Variants in RAB3GAP2 observed in about 807,000 individuals in gnomAD.
RAB3GAP2 encodes RAB3 GTPase activating non-catalytic protein subunit 2.
A neutral mutation model predicts 185.3 loss-of-function variants in RAB3GAP2; 87 were observed. That is an observed-to-expected ratio of 0.47 (90% confidence interval 0.39 to 0.56). The LOEUF is 0.56. Among genes scored for constraint, RAB3GAP2 ranks in the 20% least tolerant of loss-of-function variants. RAB3GAP2 has a pLI of 0.00. For missense variants in RAB3GAP2, 1,492 were observed against 1,638.2 expected (o/e 0.91, Z 1.54); for synonymous variants, 554 against 576.1 (o/e 0.96, Z 0.55).
chr1:220,189,374 T>C (rs980917219), intron 17 of RAB3GAP2, among the ~76,000 whole-genome samples: 1 of 151,854 alleles, frequency 6.6e-6, no homozygotes, highest in African/African-American at 2.4e-5. Context: ...CCGCCAATAC[T>C]GACCCAACTA....
chr1:220,204,899 C>T (rs1167884373), intron 8 of RAB3GAP2, among the ~76,000 whole-genome samples: 1 of 151,996 alleles, frequency 6.6e-6, no homozygotes, highest in African/African-American at 2.4e-5. Context: ...CATGTCCCTA[C>T]AAAGGACATG....
intron 3 of RAB3GAP2, 82 bp downstream of exon 3, chr1:220,213,774 A>G (rs1659131328): frequency 1.4e-6 from 2 of 1,392,006 alleles, no homozygotes; most frequent in Non-Finnish European, 2.0e-6. Context: ...AATAAAAAGC[A>G]TTATATTCTT....
At chr1:220,203,901 C>T (rs1347306836) in intron 8 of RAB3GAP2, among the ~76,000 whole-genome samples, 2 of 152,090 alleles carry the variant, frequency 1.3e-5, no homozygotes, top group Non-Finnish European at 2.9e-5. Flanking sequence ...ATATAAGATG[C>T]TGCATTTAGA....
chr1:220,245,238 G>A (rs1659779851), intron 1 of RAB3GAP2, among the ~76,000 whole-genome samples: 1 of 152,218 alleles, frequency 6.6e-6, no homozygotes, highest in Admixed American at 6.5e-5. Context: ...GGTGATTTCT[G>A]CATTTCCATC....
At chr1:220,162,315 C>T in intron 27 of RAB3GAP2, 47 bp from the exon 28 acceptor site, 2 of 1,270,170 alleles carry the variant, frequency 1.6e-6, no homozygotes, top group East Asian at 2.3e-5. Flanking sequence ...TATAGTCTCA[C>T]TTTTATTACA....
intron 32 of RAB3GAP2, 105 bp from the exon 33 acceptor site, chr1:220,153,511 A>G: frequency 2.9e-6 from 3 of 1,044,028 alleles, no homozygotes; most frequent in Non-Finnish European, 4.4e-6. Context: ...TGGCTTTTCC[A>G]TTAAATTGTT....
intron 33 of RAB3GAP2, among the ~76,000 whole-genome samples, chr1:220,152,617 T>G (rs1366795273): frequency 2.6e-5 from 4 of 152,204 alleles, no homozygotes; most frequent in East Asian, 1.9e-4. Flanking sequence ...GGCTGCTGCT[T>G]CTCCTTGGGG....
intron 7 of RAB3GAP2, chr1:220,208,248 GA>G (rs1571901351): frequency 1.3e-5 from 2 of 152,134 alleles, no homozygotes; most frequent in East Asian, 3.8e-4. Context: ...TTAGAAAAAT[GA>G]AAAACATCTC....
chr1:220,174,347 A>G (rs1419351857), intron 21 of RAB3GAP2, among the ~76,000 whole-genome samples: 1 of 152,062 alleles, frequency 6.6e-6, no homozygotes, highest in African/African-American at 2.4e-5. Flanking sequence ...GCCTCCTCAT[A>G]CCAGCTCCCT....
chr1:220,202,924 G>C (rs973443195), intron 8 of RAB3GAP2, among the ~76,000 whole-genome samples: 2 of 152,200 alleles, frequency 1.3e-5, no homozygotes, highest in Admixed American at 6.5e-5. Flanking sequence ...GCCCGGGTAA[G>C]AGAGGGAGAC....
At chr1:220,181,532 T>G (rs1349246842) in intron 21 of RAB3GAP2, among the ~76,000 whole-genome samples, 1 of 152,202 alleles carries the variant, frequency 6.6e-6, no homozygotes, top group Non-Finnish European at 1.5e-5. Context: ...TTTATATTTG[T>G]TATATTAGAG....
At chr1:220,174,253 C>A (rs1479859339) in intron 21 of RAB3GAP2, among the ~76,000 whole-genome samples, 4 of 151,974 alleles carry the variant, frequency 2.6e-5, no homozygotes, top group African/African-American at 9.7e-5. Flanking sequence ...CGAAACCACA[C>A]ATATATACAC....
chr1:220,159,717 C>A (rs767593104), intron 28 of RAB3GAP2, among the ~76,000 whole-genome samples: 2 of 152,000 alleles, frequency 1.3e-5, no homozygotes, highest in Non-Finnish European at 2.9e-5. Context: ...AACTGTGTTG[C>A]CTAAAAACCC....
chr1:220,174,961 T>A (rs573402631), intron 21 of RAB3GAP2, among the ~76,000 whole-genome samples: 5 of 152,336 alleles, frequency 3.3e-5, no homozygotes, highest in South Asian at 2.1e-4. Context: ...CATAACCTGA[T>A]GCTTTTCACC....
intron 34 of RAB3GAP2, 69 bp from the exon 35 acceptor site, chr1:220,151,475 A>ATTACATAAAAATGCT: frequency 6.2e-7 from 1 of 1,605,736 alleles, no homozygotes; most frequent in Non-Finnish European, 8.5e-7. Flanking sequence ...CTTAAGAGTT[A>ATTACATAAAAATGCT]TTACATAAAA....
At chr1:220,156,860 A>G (rs1287175185) in intron 31 of RAB3GAP2, among the ~76,000 whole-genome samples, 1 of 152,216 alleles carries the variant, frequency 6.6e-6, no homozygotes, top group Non-Finnish European at 1.5e-5. Context: ...CAGAAGGAAC[A>G]GCAAATTTAG....
chr1:220,167,802 G>A lies in RAB3GAP2; in HGVS notation c.2807-127C>T, dbSNP rs569965758. ...TCATTTCTCAGCCTGAAGCTGACCCGAAAAAGCCATGAGATTTACAGCAGT... is the reference window on the plus strand; with the variant it reads ...TCATTTCTCAGCCTGAAGCTGACCCAAAAAAGCCATGAGATTTACAGCAGT... On this transcript the variant is annotated intron_variant, in intron 24 of 34. Coordinates refer to ENST00000358951, the MANE Select transcript of RAB3GAP2 (RefSeq NM_012414.4). 4.3e-5 allele frequency: 44 copies of A among 1,015,534 alleles called. No individual in the cohort carries two copies. In the South Asian group the frequency reaches 5.0e-4, roughly 12 times the overall value. The allele number at this position is 1,015,534 out of a possible 1,614,324, so 62.9% of individuals were successfully genotyped here.
intron 21 of RAB3GAP2, among the ~76,000 whole-genome samples, chr1:220,180,375 TAAAC>T (rs745697827): frequency 4.0e-5 from 6 of 150,428 alleles, no homozygotes; most frequent in Non-Finnish European, 9.0e-5. Context: ...TTAAAAAAGA[TAAAC>T]AAAATCAACA....
chr1:220,197,543 T>A (rs1409200695), intron 9 of RAB3GAP2, among the ~76,000 whole-genome samples: 1 of 152,128 alleles, frequency 6.6e-6, no homozygotes, highest in Non-Finnish European at 1.5e-5. Flanking sequence ...AGAACACCTA[T>A]CTCATAGTCA....
Sources: gnomAD v4.1 joint callset for allele counts (sites outside exome capture counted in the v4.1 genomes callset) on GRCh38, gnomAD v4.1.1 for gene constraint, MANE v1.5 for transcripts, NCBI Gene and HGNC (gene_info 2026-07-23, HGNC 2026-07-21) for gene names.